Variants in HTR1B observed in about 807,000 individuals in gnomAD.
HTR1B encodes the protein 5-hydroxytryptamine receptor 1B, also known as 5-hydroxytryptamine (serotonin) receptor 1B, G protein-coupled.
Under a neutral mutation model 25.3 loss-of-function variants are expected in HTR1B, and 12 were observed. The ratio of observed to expected loss-of-function variants is 0.47; its 90% CI spans 0.30 to 0.77. The LOEUF (loss-of-function observed/expected upper bound fraction) is 0.77, where lower values mean the gene tolerates loss of function less well. HTR1B is among the 30% of genes least tolerant of loss of function. HTR1B has a pLI of 0.06. For synonymous variants in HTR1B, 224 were observed against 219.1 expected (o/e 1.02, Z -0.20); for missense variants, 453 against 503.0 (o/e 0.90, Z 0.95).
rs201793745 is a variant in HTR1B at position 77,462,547 on chromosome 6, T to C, written c.857A>G (p.Tyr286Cys). 34 of 1,613,454 alleles carry C rather than the reference T, an allele frequency of 2.1e-5. No individual in the cohort carries two copies. Among genetic ancestry groups the C allele is most frequent in the Non-Finnish European group, 2.8e-5 (33 of 1,180,022 alleles). The change falls in exon 1 of 1, where the codon TAT becomes TGT. Residue 286 changes from tyrosine (Y) to cysteine (C), a missense_variant. Tyr to Cys is a radical substitution (Grantham distance 194, BLOSUM62 -2). This residue lies in a region of HTR1B where 289 missense variants were observed against 319.6 expected (regional missense o/e 0.90). Transcript: ENST00000369947. The surrounding 1 kb of genome is among the most constrained non-coding windows in gnomAD (Gnocchi z 4.9). ...GACTCGCACTTTGACTTGGTTCACATACACAGGAGATCCGGATTCGCTGGG... is the reference window on the plus strand; with the variant it reads ...GACTCGCACTTTGACTTGGTTCACACACACAGGAGATCCGGATTCGCTGGG... ...DVPSESGSPV[Y>C]VNQVKVRVSD...
In HTR1B at chr6:77,462,393, C is replaced by T. The variant is rs1342101146; in HGVS notation, c.1011G>A (p.Met337Ile). Residue 337 changes from methionine (M) to isoleucine (I), a missense_variant, in exon 1 of 1, where the codon ATG becomes ATA. Transcript: ENST00000369947. The surrounding 1 kb of genome is among the most constrained non-coding windows in gnomAD (Gnocchi z 4.9). ...WLPFFIISLV[M>I]PICKDACWFH... ...ACCAGCAGGCATCTTTGCAGATAGG[C>T]ATCACTAGGGAGATGATGAAGAAGG... 1 of 1,614,020 alleles carries T rather than the reference C, an allele frequency of 6.2e-7. No homozygotes were observed. Among genetic ancestry groups the T allele is most frequent in the East Asian group, 2.2e-5 (1 of 44,854 alleles).
Position 77,462,768 on chromosome 6 carries a change from G to A in HTR1B, c.636C>T (p.Ser212=). The part of the protein sequence containing the change: ...NTDHILYTVY[S]TVGAFYFPTL... Reference sequence around the variant, plus strand: ...TGGGGAAGTAGAAAGCACCCACCGTGGAGTAGACCGTGTAGAGGATGTGGT... The same window carrying A: ...TGGGGAAGTAGAAAGCACCCACCGTAGAGTAGACCGTGTAGAGGATGTGGT... Residue 212 remains serine (S), a synonymous_variant, in exon 1 of 1, where the codon TCC becomes TCT. Transcript: ENST00000369947. The surrounding 1 kb of genome is among the most constrained non-coding windows in gnomAD (Gnocchi z 4.9). 9 of 1,614,072 alleles carry A rather than the reference G, an allele frequency of 5.6e-6. No individual in the cohort carries two copies. The highest frequency in any genetic ancestry group is 7.6e-6 in the Non-Finnish European group (9 of 1,180,044).
rs1192887192 is a variant in HTR1B at position 77,462,139 on chromosome 6, A to G, written c.*92T>C. The stretch of plus-strand genomic sequence containing the variant: ...AGGAGAGAGAGCCTCGCTGGGACCC[A>G]GAAACCGCGAAAGAAGATTCGACCT... On this transcript the variant is annotated 3_prime_UTR_variant, in exon 1 of 1. Transcript: ENST00000369947. The surrounding 1 kb of genome is among the most constrained non-coding windows in gnomAD (Gnocchi z 4.9). The G allele has an allele frequency of 1.3e-5, 11 of 874,158 alleles. No individual in the cohort carries two copies. Among genetic ancestry groups the G allele is most frequent in the Non-Finnish European group, 1.8e-5 (10 of 547,374 alleles). 54.2% of individuals were successfully genotyped at this position (874,158 alleles called of 1,614,324 possible).
In HTR1B at chr6:77,461,600, A is replaced by C. The variant is rs887143432; in HGVS notation, c.*631T>G. ...GTATAATAAAAATAGAGATCTCAGC[A>C]TCAGAATTTTGCTGTTAACTCTTCA... On this transcript the variant is annotated 3_prime_UTR_variant, in exon 1 of 1. Transcript: ENST00000369947. 6.9e-6 allele frequency among the ~76,000 whole-genome samples: 1 copy of C among 144,258 alleles called. No individual in the cohort carries two copies. Among genetic ancestry groups the C allele is most frequent in the Admixed American group, 7.3e-5 (1 of 13,680 alleles). The allele number at this position is 144,258 out of a possible 152,430, so 94.6% of individuals were successfully genotyped here.
rs1766151349 is a variant in HTR1B at position 77,462,429 on chromosome 6, C to T, written c.975G>A (p.Val325=). 3.1e-6 allele frequency: 5 copies of T among 1,614,016 alleles called. No homozygotes were observed. The highest frequency in any genetic ancestry group is 4.2e-6 in the Non-Finnish European group (5 of 1,179,976). The change falls in exon 1 of 1, where the codon GTG becomes GTA. Residue 325 remains valine, a synonymous_variant. Transcript: ENST00000369947. This position sits in a 1 kb window ranked among gnomAD's most constrained non-coding sequence, Gnocchi z 4.9. ...TLGIILGAFI[V]CWLPFFIISL... ...AGATGATGAAGAAGGGTAGCCAACACACAATAAAGGCTCCCAAAATGATCC... is the reference window on the plus strand; with the variant it reads ...AGATGATGAAGAAGGGTAGCCAACATACAATAAAGGCTCCCAAAATGATCC...
Position 77,462,509 on chromosome 6 carries a change from G to A in HTR1B, c.895C>T (p.Leu299=). 1 of 1,613,866 alleles carries A rather than the reference G, an allele frequency of 6.2e-7. No individual in the cohort carries two copies. The highest frequency in any genetic ancestry group is 8.5e-7 in the Non-Finnish European group (1 of 1,180,018). The change falls in exon 1 of 1, where the codon CTG becomes TTG. Residue 299 remains leucine (L), a synonymous_variant. Transcript: ENST00000369947. The surrounding 1 kb of genome is among the most constrained non-coding windows in gnomAD (Gnocchi z 4.9). The part of the protein sequence containing the change: ...QVKVRVSDAL[L]EKKKLMAARE... Reference sequence around the variant, plus strand: ...GCGGCCATGAGTTTCTTCTTTTCCAGCAGGGCGTCGGAGACTCGCACTTTG... The same window carrying A: ...GCGGCCATGAGTTTCTTCTTTTCCAACAGGGCGTCGGAGACTCGCACTTTG...
rs1024247262 is a variant in HTR1B, at chr6:77,461,612, CT to C, written c.*618del. On this transcript the variant is annotated 3_prime_UTR_variant, in exon 1 of 1. Transcript: ENST00000369947. Reference sequence around the variant, plus strand: ...TAGAGATCTCAGCATCAGAATTTTGCTGTTAACTCTTCAAGGTTTCTCTGCG... The same window carrying C: ...TAGAGATCTCAGCATCAGAATTTTGCGTTAACTCTTCAAGGTTTCTCTGCG... The C allele has an allele frequency of 8.3e-6, 1 of 120,574 alleles. No homozygotes were observed. The highest frequency in any genetic ancestry group is 1.6e-5 in the Non-Finnish European group (1 of 63,028). 7.5% of individuals were successfully genotyped at this position (120,574 alleles called of 1,614,324 possible). A position where few individuals can be genotyped will look rare whatever the true frequency, so the allele number is the denominator to read the frequency against.
At position 77,462,585 on chromosome 6, in the gene HTR1B, C is replaced by T. The variant is rs1766155254; in HGVS notation, c.819G>A (p.Arg273=). ...STSSVTSINS[R]VPDVPSESGS... is the part of the protein sequence containing the mutation. ...CGGATTCGCTGGGCACGTCGGGAAC[C>T]CGCGAGTTAATAGAGGTGACCGAGG... is the stretch of plus-strand genomic sequence containing the variant. The change falls in exon 1 of 1, where the codon CGG becomes CGA. Residue 273 remains arginine, a synonymous_variant. Transcript: ENST00000369947. This position sits in a 1 kb window ranked among gnomAD's most constrained non-coding sequence, Gnocchi z 4.9. 5.0e-6 allele frequency: 8 copies of T among 1,613,186 alleles called. No homozygotes were observed. The highest frequency in any genetic ancestry group is 6.8e-6 in the Non-Finnish European group (8 of 1,180,028).
Position 77,461,859 on chromosome 6 carries a change from T to G in HTR1B, c.*372A>C. ...TCTCAGACAGGCTTCAGACAACAAT[T>G]ACAAGTACACTGCTTCTAGTGGGCA... On this transcript the variant is annotated 3_prime_UTR_variant, in exon 1 of 1. Coordinates refer to ENST00000369947, the MANE Select transcript of HTR1B (RefSeq NM_000863.3). 4.8e-6 allele frequency: 1 copy of G among 206,888 alleles called. No individual in the cohort carries two copies. The allele number at this position is 206,888 out of a possible 1,614,324, so 12.8% of individuals were successfully genotyped here.
chr6:77,463,465 C>A lies in HTR1B; in HGVS notation c.-62G>T. The A allele has an allele frequency of 2.1e-6, 3 of 1,404,430 alleles. No homozygotes were observed. Among genetic ancestry groups the A allele is most frequent in the South Asian group, 1.3e-5 (1 of 77,784 alleles). The allele number at this position is 1,404,430 out of a possible 1,614,324, so 87.0% of individuals were successfully genotyped here. A position where few individuals can be genotyped will look rare whatever the true frequency, so the allele number is the denominator to read the frequency against. On this transcript the variant is annotated 5_prime_UTR_variant, in exon 1 of 1. Transcript: ENST00000369947. ...GGCATGGAGCGGACGAAGGAGAGGG[C>A]GGAAGGACCGTGGCGATCGCAGGTT...
At position 77,462,750 on chromosome 6, in the gene HTR1B, G is replaced by A. The variant is rs200517746; in HGVS notation, c.654C>T (p.Tyr218=). Residue 218 remains tyrosine (Y), a synonymous_variant, in exon 1 of 1, where the codon TAC becomes TAT. Coordinates refer to ENST00000369947, the MANE Select transcript of HTR1B (RefSeq NM_000863.3). The surrounding 1 kb of genome is among the most constrained non-coding windows in gnomAD (Gnocchi z 4.9). ...YTVYSTVGAF[Y]FPTLLLIALY... is the part of the protein sequence containing the mutation. ...GGGCGATGAGGAGCAGGGTGGGGAA[G>A]TAGAAAGCACCCACCGTGGAGTAGA... The A allele has an allele frequency of 3.4e-5, 55 of 1,613,898 alleles. No homozygotes were observed. Among genetic ancestry groups the A allele is most frequent in the Middle Eastern group, 1.6e-4 (1 of 6,082 alleles).
chr6:77,463,228 A>T lies in HTR1B; in HGVS notation c.176T>A (p.Ile59Asn). The change falls in exon 1 of 1, where the codon ATC becomes AAC. Residue 59 changes from isoleucine (I) to asparagine (N), a missense_variant. By Grantham distance (149) the Ile-to-Asn change is moderately radical (BLOSUM62 -3). This residue lies in a region of HTR1B where 129 missense variants were observed against 118.3 expected (regional missense o/e 1.09). Coordinates refer to ENST00000369947, the MANE Select transcript of HTR1B (RefSeq NM_000863.3). ...ATTGGAGAGCGTGGTGGCCAAGGTG[A>T]TGAGCGCCAATAGCATAACCAGCAG... ...KVLLVMLLAL[I>N]TLATTLSNAF... 6.2e-7 allele frequency: 1 copy of T among 1,614,234 alleles called. No individual in the cohort carries two copies.
In HTR1B at chr6:77,461,437, T is replaced by TA. The variant is rs1375837315; in HGVS notation, c.*793dup. Among the ~76,000 whole-genome samples, 2 of 152,192 alleles carry TA rather than the reference T, an allele frequency of 1.3e-5. No individual in the cohort carries two copies. The highest frequency in any genetic ancestry group is 2.9e-5 in the Non-Finnish European group (2 of 68,042). ...CTAGCACACATAATGGTTTGTTTGTTAGAGTTGTGGCTTGACAATCGCTAA... is the reference window on the plus strand; with the variant it reads ...CTAGCACACATAATGGTTTGTTTGTTAAGAGTTGTGGCTTGACAATCGCTAA... On this transcript the variant is annotated 3_prime_UTR_variant, in exon 1 of 1. Transcript: ENST00000369947.
chr6:77,463,425 G>A lies in HTR1B; in HGVS notation c.-22C>T, dbSNP rs201085688. 11 of 1,594,982 alleles carry A rather than the reference G, an allele frequency of 6.9e-6. No homozygotes were observed. The highest frequency in any genetic ancestry group is 2.1e-4 in the Middle Eastern group (1 of 4,788). ...CCATGGCTCTCCTCGCCCCAGCTCC[G>A]GAGCGCAGCTCTTGGGCATGGAGCG... On this transcript the variant is annotated 5_prime_UTR_variant, in exon 1 of 1. Coordinates refer to ENST00000369947, the MANE Select transcript of HTR1B (RefSeq NM_000863.3).
Position 77,462,404 on chromosome 6 carries a change from A to C in HTR1B, c.1000T>G (p.Ser334Ala). Residue 334 changes from serine (S) to alanine (A), a missense_variant, in exon 1 of 1, where the codon TCC becomes GCC. By Grantham distance (99) the Ser-to-Ala change is moderately conservative. Around this residue, in one of 3 missense-constraint regions of HTR1B, gnomAD observed 289 missense variants for 319.6 expected, o/e 0.90. Transcript: ENST00000369947. The surrounding 1 kb of genome is among the most constrained non-coding windows in gnomAD (Gnocchi z 4.9). ...IVCWLPFFIISLVMPICKDAC... is the reference protein window; with the variant it reads ...IVCWLPFFIIALVMPICKDAC... ...TCTTTGCAGATAGGCATCACTAGGG[A>C]GATGATGAAGAAGGGTAGCCAACAC... The C allele has an allele frequency of 6.2e-7, 1 of 1,614,028 alleles. No individual in the cohort carries two copies. Among genetic ancestry groups the C allele is most frequent in the Non-Finnish European group, 8.5e-7 (1 of 1,179,978 alleles).
Position 77,462,485 on chromosome 6 carries a change from C to A in HTR1B, c.919G>T (p.Ala307Ser), listed in dbSNP as rs750400332. 11 of 1,613,796 alleles carry A rather than the reference C, an allele frequency of 6.8e-6. No individual in the cohort carries two copies. In the African/African-American group the frequency reaches 1.2e-4, roughly 18 times the overall value. The change falls in exon 1 of 1, where the codon GCT becomes TCT. Residue 307 changes from alanine (A) to serine (S), a missense_variant. Ala to Ser is a moderately conservative substitution (Grantham distance 99). Around this residue, in one of 3 missense-constraint regions of HTR1B, gnomAD observed 289 missense variants for 319.6 expected, o/e 0.90. Coordinates refer to ENST00000369947, the MANE Select transcript of HTR1B (RefSeq NM_000863.3). This position sits in a 1 kb window ranked among gnomAD's most constrained non-coding sequence, Gnocchi z 4.9. ...GTCTTGGTGGCTTTGCGCTCCCTAGCGGCCATGAGTTTCTTCTTTTCCAGC... is the reference window on the plus strand; with the variant it reads ...GTCTTGGTGGCTTTGCGCTCCCTAGAGGCCATGAGTTTCTTCTTTTCCAGC... ...ALLEKKKLMA[A>S]RERKATKTLG...
Position 77,462,394 on chromosome 6 carries a change from A to C in HTR1B, c.1010T>G (p.Met337Arg), listed in dbSNP as rs1766150699. 12 of 1,614,180 alleles carry C rather than the reference A, an allele frequency of 7.4e-6. No individual in the cohort carries two copies. The highest frequency in any genetic ancestry group is 1.0e-5 in the Non-Finnish European group (12 of 1,180,026). ...CCAGCAGGCATCTTTGCAGATAGGC[A>C]TCACTAGGGAGATGATGAAGAAGGG... ...WLPFFIISLVMPICKDACWFH... is the reference protein window; with the variant it reads ...WLPFFIISLVRPICKDACWFH... The change falls in exon 1 of 1, where the codon ATG (methionine) becomes AGG (arginine). Residue 337 changes from methionine to arginine, a missense_variant. Physicochemically the swap from Met to Arg is moderately conservative, Grantham distance 91 (BLOSUM62 -1). This residue lies in a region of HTR1B where 289 missense variants were observed against 319.6 expected (regional missense o/e 0.90). Coordinates refer to ENST00000369947, the MANE Select transcript of HTR1B (RefSeq NM_000863.3). This position sits in a 1 kb window ranked among gnomAD's most constrained non-coding sequence, Gnocchi z 4.9.
rs201793745 is a variant in HTR1B, at chr6:77,462,547, T to A, written c.857A>T (p.Tyr286Phe). The change falls in exon 1 of 1, where the codon TAT (tyrosine) becomes TTT (phenylalanine). Residue 286 changes from tyrosine (Y) to phenylalanine (F), a missense_variant. Transcript: ENST00000369947. The surrounding 1 kb of genome is among the most constrained non-coding windows in gnomAD (Gnocchi z 4.9). ...GACTCGCACTTTGACTTGGTTCACA[T>A]ACACAGGAGATCCGGATTCGCTGGG... ...DVPSESGSPV[Y>F]VNQVKVRVSD... The A allele has an allele frequency of 2.5e-6, 4 of 1,613,454 alleles. No homozygotes were observed. Among genetic ancestry groups the A allele is most frequent in the East Asian group, 2.2e-5 (1 of 44,862 alleles).
In HTR1B at chr6:77,461,440, A is replaced by G. The variant is rs1178191446; in HGVS notation, c.*791T>C. On this transcript the variant is annotated 3_prime_UTR_variant, in exon 1 of 1. Coordinates refer to ENST00000369947, the MANE Select transcript of HTR1B (RefSeq NM_000863.3). ...GCACACATAATGGTTTGTTTGTTAG[A>G]GTTGTGGCTTGACAATCGCTAAACA... Among the ~76,000 whole-genome samples the G allele has an allele frequency of 6.6e-6, 1 of 152,182 alleles. No individual in the cohort carries two copies. Among genetic ancestry groups the G allele is most frequent in the Non-Finnish European group, 1.5e-5 (1 of 68,044 alleles).
Sources: gnomAD v4.1 joint callset for allele counts (sites outside exome capture counted in the v4.1 genomes callset) on GRCh38, gnomAD v4.1.1 for gene constraint, gnomAD v4.1.1 regional missense constraint, Gnocchi (gnomAD v3.1) non-coding constraint, MANE v1.5 for transcripts, NCBI Gene and HGNC (gene_info 2026-07-23, HGNC 2026-07-21) for gene names.